CABIN1: variants seen among roughly 807,000 people sequenced by gnomAD.
CABIN1 encodes the protein calcineurin-binding protein cabin-1.
A neutral mutation model predicts 227.7 loss-of-function variants in CABIN1; 133 were observed. The ratio of observed to expected loss-of-function variants is 0.58; its 90% CI spans 0.51 to 0.67. The LOEUF is 0.67. Among genes scored for constraint, CABIN1 ranks in the 30% least tolerant of loss-of-function variants. The probability of loss-of-function intolerance (pLI) is 0.00; values close to 1 mark genes in which losing one functional copy is unlikely to be tolerated. For missense variants in CABIN1, 2,408 were observed against 2,852.5 expected (o/e 0.84, Z 3.55); for synonymous variants, 1,086 against 1,155.1 (o/e 0.94, Z 1.21).
At chr22:24,091,381 T>C (rs571318655) in intron 23 of CABIN1, among the ~76,000 whole-genome samples, 34 of 152,182 alleles carry the variant, frequency 2.2e-4, no homozygotes, top group Non-Finnish European at 3.4e-4. Context: ...TATGCCTTGC[T>C]TGGTGGGCGC....
intron 29 of CABIN1, among the ~76,000 whole-genome samples, chr22:24,136,773 G>T (rs1336473401): frequency 6.7e-6 from 1 of 148,994 alleles, no homozygotes; most frequent in Non-Finnish European, 1.5e-5. Flanking sequence ...ACACAGAAAG[G>T]CTCAGTGCTT....
At chr22:24,105,757 C>T (rs2042476796) in intron 26 of CABIN1, among the ~76,000 whole-genome samples, 1 of 152,216 alleles carries the variant, frequency 6.6e-6, no homozygotes, top group Non-Finnish European at 1.5e-5. Flanking sequence ...AGAACCCCCT[C>T]CTCACCCAAA....
chr22:24,035,364 T>A, intron 1 of CABIN1, 80 bp from the exon 2 acceptor site: 1 of 928,980 alleles, frequency 1.1e-6, no homozygotes, highest in Non-Finnish European at 1.8e-6. Context: ...AGGGAAGGAC[T>A]GGTTCCTGGT....
At position 24,067,174 on chromosome 22, in the gene CABIN1, T is replaced by C; in HGVS notation, c.2225T>C (p.Leu742Pro). The change falls in exon 16 of 37, where the codon CTT (leucine) becomes CCT (proline). Residue 742 changes from leucine to proline, a missense_variant. Leu to Pro is a moderately conservative substitution (Grantham distance 98). This residue lies in a region of CABIN1 where 1,045 missense variants were observed against 1,168.4 expected (regional missense o/e 0.89). Transcript: ENST00000263119. ...SIPERPAQLLLLQDSLLRLKD... is the reference protein window; with the variant it reads ...SIPERPAQLLPLQDSLLRLKD... ...CCTGAGAGGCCAGCCCAGCTGCTTC[T>C]TCTGCAGGTGTGTGCTGCCAGTGTC... 1 of 1,614,248 alleles carries C rather than the reference T, an allele frequency of 6.2e-7. No individual in the cohort carries two copies. The highest frequency in any genetic ancestry group is 8.5e-7 in the Non-Finnish European group (1 of 1,180,040).
intron 1 of CABIN1, among the ~76,000 whole-genome samples, chr22:24,024,938 T>A (rs1369353471): frequency 6.6e-6 from 1 of 152,212 alleles, no homozygotes; most frequent in Non-Finnish European, 1.5e-5. Context: ...CTATCCTGAT[T>A]TCCTTTAGTT....
rs771971489 is a variant in CABIN1, at chr22:24,095,933, G to A, written c.3789G>A (p.Val1263=). ...CACTAGAGGTGTCGTTCTCCTAGGT[G>A]TACTTTCGGCTCCATGCTTCCATCC... ...PPELAMEALE[V]YFRLHASILK... Residue 1263 remains valine (V), a splice_region_variant and synonymous_variant, in exon 25 of 37, where the codon GTG becomes GTA. Transcript: ENST00000263119. 2.5e-6 allele frequency: 4 copies of A among 1,614,052 alleles called. No individual in the cohort carries two copies. Among genetic ancestry groups the A allele is most frequent in the Non-Finnish European group, 1.7e-6 (2 of 1,179,974 alleles).
intron 28 of CABIN1, among the ~76,000 whole-genome samples, chr22:24,126,948 A>G (rs2043763261): frequency 6.6e-6 from 1 of 151,688 alleles, no homozygotes; most frequent in Admixed American, 6.6e-5. Context: ...GCAGTGAGCC[A>G]AGGTCGTGCC....
chr22:24,156,728 G>A (rs1387441004), intron 29 of CABIN1, among the ~76,000 whole-genome samples: 2 of 152,234 alleles, frequency 1.3e-5, no homozygotes, highest in Admixed American at 6.5e-5. Context: ...GCCCCGCAGC[G>A]GAGTGGGAGG....
At chr22:24,013,071 T>TC (rs1470223553) in intron 1 of CABIN1, among the ~76,000 whole-genome samples, 2 of 151,200 alleles carry the variant, frequency 1.3e-5, no homozygotes, top group East Asian at 3.9e-4. Context: ...TCAATAGCTT[T>TC]TTTTTTTTTA....
At position 24,063,222 on chromosome 22, in the gene CABIN1, G is replaced by A. The variant is rs984116354; in HGVS notation, c.1884+76G>A. 9 of 1,458,126 alleles carry A rather than the reference G, an allele frequency of 6.2e-6. No individual in the cohort carries two copies. In the African/African-American group the frequency reaches 9.9e-5, roughly 16 times the overall value. 90.3% of individuals were successfully genotyped at this position (1,458,126 alleles called of 1,614,324 possible). On this transcript the variant is annotated intron_variant, in intron 14 of 36. Coordinates refer to ENST00000263119, the MANE Select transcript of CABIN1 (RefSeq NM_012295.4). ...GTGGGCAGAAAATTGACCATGTTGA[G>A]GGTGTGTGTGTGTATGTGTGTGTGT...
chr22:24,165,455 G>A, intron 30 of CABIN1, 75 bp from the exon 31 acceptor site: 1 of 1,311,904 alleles, frequency 7.6e-7, no homozygotes, highest in Non-Finnish European at 1.1e-6. Flanking sequence ...GGGATGGGCA[G>A]TGGCCACCAT....
At chr22:24,164,928 C>G (rs1442375784) in intron 30 of CABIN1, among the ~76,000 whole-genome samples, 2 of 152,146 alleles carry the variant, frequency 1.3e-5, no homozygotes, top group African/African-American at 4.8e-5. Flanking sequence ...AGACAAAGGC[C>G]AGTAACAGTG....
chr22:24,049,146 G>A lies in CABIN1; in HGVS notation c.582G>A (p.Gly194=), dbSNP rs1418635004. ...ALEKDCRYSK[G]LVLKEKIFEE... ...AGAAGGATTGCCGGTACAGCAAAGG[G>A]CTGGTCCTCAAGGAGAAGATTTTTG... The change falls in exon 7 of 37, where the codon GGG becomes GGA. Residue 194 remains glycine, a synonymous_variant. Coordinates refer to ENST00000263119, the MANE Select transcript of CABIN1 (RefSeq NM_012295.4). 6.2e-7 allele frequency: 1 copy of A among 1,613,982 alleles called. No individual in the cohort carries two copies. The highest frequency in any genetic ancestry group is 8.5e-7 in the Non-Finnish European group (1 of 1,180,004).
Position 24,050,869 on chromosome 22 carries a change from A to G in CABIN1, c.701A>G (p.Gln234Arg), listed in dbSNP as rs756336534. 1.2e-6 allele frequency: 2 copies of G among 1,614,228 alleles called. No homozygotes were observed. The highest frequency in any genetic ancestry group is 1.7e-5 in the Admixed American group (1 of 60,030). Residue 234 changes from glutamine to arginine, a missense_variant, in exon 8 of 37, where the codon CAG becomes CGG. This residue lies in a region of CABIN1 where 1,045 missense variants were observed against 1,168.4 expected (regional missense o/e 0.89). Coordinates refer to ENST00000263119, the MANE Select transcript of CABIN1 (RefSeq NM_012295.4). ...HDVSVSAAET[Q>R]AIVDEALGLR... ...GTTTCGGTGAGTGCAGCTGAGACAC[A>G]GGCGATTGTAGATGAGGCCTTGGGG...
chr22:24,178,612 A>G lies in CABIN1; in HGVS notation c.*416A>G. 3.5e-6 allele frequency: 1 copy of G among 283,798 alleles called. No individual in the cohort carries two copies. Among genetic ancestry groups the G allele is most frequent in the South Asian group, 3.6e-5 (1 of 27,604 alleles). The allele number at this position is 283,798 out of a possible 1,614,324, so 17.6% of individuals were successfully genotyped here. On this transcript the variant is annotated 3_prime_UTR_variant, in exon 37 of 37. Coordinates refer to ENST00000263119, the MANE Select transcript of CABIN1 (RefSeq NM_012295.4). Reference sequence around the variant, plus strand: ...CACCCTTTTTTTGGTTGCTTTTCTAATAAAGATGGAACAGTTGTCTTTGCC... The same window carrying G: ...CACCCTTTTTTTGGTTGCTTTTCTAGTAAAGATGGAACAGTTGTCTTTGCC...
At chr22:24,097,636 G>T (rs1250263008) in intron 25 of CABIN1, among the ~76,000 whole-genome samples, 1 of 152,222 alleles carries the variant, frequency 6.6e-6, no homozygotes, top group African/African-American at 2.4e-5. Context: ...ATGCAGATGT[G>T]TTTCTGTCTG....
chr22:24,057,904 A>G (rs1380664684), intron 10 of CABIN1, among the ~76,000 whole-genome samples: 1 of 152,212 alleles, frequency 6.6e-6, no homozygotes, highest in Non-Finnish European at 1.5e-5. Flanking sequence ...GTGACCCTAT[A>G]TTCCCCTTAG....
Position 24,177,778 on chromosome 22 carries a change from C to G in CABIN1, c.6480C>G (p.Pro2160=), listed in dbSNP as rs371694103. ...VTPPTPTLLS[P]KGSISEETKQ... is the part of the protein sequence containing the mutation. ...CACCCACCCCAACCCTGCTCTCCCC[C>G]AAAGGCAGCATCTCGGAGGAGACCA... Residue 2160 remains proline, a synonymous_variant, in exon 36 of 37, where the codon CCC becomes CCG. Coordinates refer to ENST00000263119, the MANE Select transcript of CABIN1 (RefSeq NM_012295.4). This position sits in a 1 kb window ranked among gnomAD's most constrained non-coding sequence, Gnocchi z 4.4. 131 of 1,609,516 alleles carry G rather than the reference C, an allele frequency of 8.1e-5. No individual in the cohort carries two copies. Among genetic ancestry groups the G allele is most frequent in the Non-Finnish European group, 1.1e-4 (127 of 1,177,022 alleles).
Position 24,056,292 on chromosome 22 carries a change from A to G in CABIN1, c.1194A>G (p.Arg398=), listed in dbSNP as rs747309530. 6.2e-7 allele frequency: 1 copy of G among 1,614,076 alleles called. No homozygotes were observed. Among genetic ancestry groups the G allele is most frequent in the South Asian group, 1.1e-5 (1 of 91,074 alleles). ...CAAAGCGGCGGTCTGCCCGTGTCCG[A>G]AACACCAAGTGCAAAAAAGAAGAGA... is the stretch of plus-strand genomic sequence containing the variant. The part of the protein sequence containing the change: ...ETAKRRSARV[R]NTKCKKEEKV... The change falls in exon 10 of 37, where the codon CGA becomes CGG. Residue 398 remains arginine, a synonymous_variant. Transcript: ENST00000263119.
Sources: allele counts gnomAD v4.1 joint callset (sites outside exome capture counted in the v4.1 genomes callset), GRCh38; gene constraint gnomAD v4.1.1; regional missense constraint gnomAD v4.1.1; non-coding constraint Gnocchi (gnomAD v3.1); transcripts MANE v1.5; gene names NCBI Gene and HGNC (gene_info 2026-07-23, HGNC 2026-07-21).